The following ADAMTSL1 variants were observed in gnomAD, a reference collection of about 807,000 sequenced individuals.
ADAMTSL1 encodes ADAMTS-like protein 1.
ADAMTSL1 carries 126 observed loss-of-function variants against 201.8 expected under a neutral mutation model. The ratio of observed to expected loss-of-function variants is 0.62; its 90% CI spans 0.54 to 0.72. ADAMTSL1 has a LOEUF of 0.72. Among genes scored for constraint, ADAMTSL1 ranks in the 30% least tolerant of loss-of-function variants. The probability of loss-of-function intolerance (pLI) is 0.00; values close to 1 mark genes in which losing one functional copy is unlikely to be tolerated. For missense variants in ADAMTSL1, 2,679 were observed against 2,277.8 expected, an observed-to-expected ratio of 1.18 and a Z score of -3.59; for synonymous variants, 1,121 against 903.4, an observed-to-expected ratio of 1.24 and a Z score of -4.32.
At chr9:18,419,731 C>CT (rs772122083) in intron 2 of ADAMTSL1, among the ~76,000 whole-genome samples, 23,300 of 125,272 alleles carry the variant, frequency 0.19, 2,604 homozygotes, top group East Asian at 0.43. Context: ...ATTTATTTGA[C>CT]TTTTTTTTTT....
intron 16 of ADAMTSL1, among the ~76,000 whole-genome samples, chr9:18,756,047 T>C (rs926721751): frequency 1.0e-4 from 14 of 134,558 alleles, no homozygotes; most frequent in African/African-American, 3.8e-4. Context: ...TCTGTTTGTC[T>C]AGCATGGTGA....
chr9:18,424,376 A>T (rs1233425220), intron 2 of ADAMTSL1, among the ~76,000 whole-genome samples: 1 of 152,224 alleles, frequency 6.6e-6, no homozygotes, highest in Non-Finnish European at 1.5e-5. Context: ...GGGCCTGGAA[A>T]GGTGAATCTT....
intron 20 of ADAMTSL1, among the ~76,000 whole-genome samples, chr9:18,801,927 T>C (rs955807996): frequency 1.3e-5 from 2 of 152,162 alleles, no homozygotes; most frequent in Admixed American, 6.5e-5. Context: ...CAAGGCATAA[T>C]TAACATACCA....
intron 1 of ADAMTSL1, among the ~76,000 whole-genome samples, chr9:18,111,158 C>T (rs886437568): frequency 1.3e-5 from 2 of 152,150 alleles, no homozygotes; most frequent in Non-Finnish European, 2.9e-5. Flanking sequence ...AGAATTTTCT[C>T]CCTCTTGGGT....
intron 2 of ADAMTSL1, among the ~76,000 whole-genome samples, chr9:18,527,436 A>G (rs1251830484): frequency 6.6e-6 from 1 of 152,228 alleles, no homozygotes; most frequent in South Asian, 2.1e-4. Flanking sequence ...TAGTGAAGAG[A>G]TGATAAGAAT....
intron 2 of ADAMTSL1, among the ~76,000 whole-genome samples, chr9:18,374,361 G>T (rs955029033): frequency 2.0e-5 from 3 of 150,826 alleles, no homozygotes; most frequent in African/African-American, 2.4e-5. Context: ...TTGGGATGGG[G>T]TCTCACTCTG....
intron 2 of ADAMTSL1, among the ~76,000 whole-genome samples, chr9:18,172,212 C>G (rs904166128): frequency 5.9e-5 from 9 of 152,028 alleles, no homozygotes; most frequent in African/African-American, 2.2e-4. Flanking sequence ...ACAACCATGG[C>G]ACGTGTATAC....
intron 8 of ADAMTSL1, 102 bp from the exon 9 acceptor site, chr9:18,661,833 T>G: frequency 1.6e-6 from 2 of 1,237,862 alleles, no homozygotes; most frequent in Non-Finnish European, 2.2e-6. Context: ...GACTAAGGCA[T>G]TGGGGAATAA....
chr9:18,239,786 G>A (rs1259315841), intron 2 of ADAMTSL1, among the ~76,000 whole-genome samples: 1 of 151,300 alleles, frequency 6.6e-6, no homozygotes, highest in Non-Finnish European at 1.5e-5. Flanking sequence ...AAGGAAGGAA[G>A]GAAGGAGGGA....
chr9:17,973,290 A>G (rs13290921), intron 1 of ADAMTSL1, among the ~76,000 whole-genome samples: 131,732 of 134,150 alleles, frequency 0.98, 64,716 homozygotes, highest in East Asian at 1. Flanking sequence ...GGGTTTTTAT[A>G]GTTTTAGGTC....
At chr9:18,751,475 A>G (rs1054303699) in intron 15 of ADAMTSL1, among the ~76,000 whole-genome samples, 2 of 152,204 alleles carry the variant, frequency 1.3e-5, no homozygotes, top group Non-Finnish European at 2.9e-5. Context: ...AAGGTAATCA[A>G]TAGAGCTTAT....
chr9:18,617,552 T>C (rs1225518459), intron 4 of ADAMTSL1, among the ~76,000 whole-genome samples: 1 of 151,764 alleles, frequency 6.6e-6, no homozygotes, highest in Non-Finnish European at 1.5e-5. Flanking sequence ...CTTTAGTAAA[T>C]CTGAAAGAAG....
intron 1 of ADAMTSL1, among the ~76,000 whole-genome samples, chr9:18,062,852 A>T (rs999700951): frequency 4.6e-5 from 7 of 152,214 alleles, no homozygotes; most frequent in African/African-American, 1.4e-4. Flanking sequence ...ATCTTCCATT[A>T]AACAGATACT....
chr9:18,213,114 C>G (rs1451069612), intron 2 of ADAMTSL1, among the ~76,000 whole-genome samples: 1 of 152,152 alleles, frequency 6.6e-6, no homozygotes, highest in African/African-American at 2.4e-5. Context: ...CAAAAATTCA[C>G]TTACCACATG....
At chr9:18,070,823 G>C (rs1261790717) in intron 1 of ADAMTSL1, among the ~76,000 whole-genome samples, 1 of 152,124 alleles carries the variant, frequency 6.6e-6, no homozygotes, top group Admixed American at 6.6e-5. Context: ...GAACAGCATA[G>C]AAGGACTGCA....
intron 20 of ADAMTSL1, among the ~76,000 whole-genome samples, chr9:18,808,351 C>T (rs1392151541): frequency 6.6e-6 from 1 of 152,102 alleles, no homozygotes; most frequent in Non-Finnish European, 1.5e-5. Context: ...TCATTAAAAT[C>T]TCTATTGATT....
At chr9:18,344,373 T>A (rs1260866078) in intron 2 of ADAMTSL1, among the ~76,000 whole-genome samples, 4 of 152,134 alleles carry the variant, frequency 2.6e-5, no homozygotes, top group Non-Finnish European at 4.4e-5. Flanking sequence ...TCCAGGCTGG[T>A]CTCAAACTCC....
At chr9:18,442,920 C>G (rs1820054558) in intron 2 of ADAMTSL1, among the ~76,000 whole-genome samples, 1 of 152,168 alleles carries the variant, frequency 6.6e-6, no homozygotes, top group Non-Finnish European at 1.5e-5. Flanking sequence ...TGCCACAAAC[C>G]AGCACAGTAC....
intron 13 of ADAMTSL1, among the ~76,000 whole-genome samples, chr9:18,698,712 G>A (rs1038708026): frequency 6.6e-6 from 1 of 152,186 alleles, no homozygotes; most frequent in African/African-American, 2.4e-5. Flanking sequence ...AGAGGAAGAA[G>A]TATTTCAAGA....
Sources: gnomAD v4.1 joint callset for allele counts (sites outside exome capture counted in the v4.1 genomes callset) on GRCh38, gnomAD v4.1.1 for gene constraint, MANE v1.5 for transcripts, NCBI Gene and HGNC (gene_info 2026-07-23, HGNC 2026-07-21) for gene names.